The following RHNO1 variants were observed in gnomAD, a reference collection of about 807,000 sequenced individuals.
The protein encoded by RHNO1 is RAD9, HUS1, RAD1-interacting nuclear orphan protein 1.
A neutral mutation model predicts 7.2 loss-of-function variants in RHNO1; 9 were observed. That is an observed-to-expected ratio of 1.25 (90% CI 0.75 to 2.18). The LOEUF (loss-of-function observed/expected upper bound fraction) is 2.18, where lower values mean the gene tolerates loss of function less well. Among genes scored for constraint, RHNO1 ranks in the 30% most tolerant of loss-of-function variants. The pLI is 0.00. For missense variants in RHNO1, 292 were observed against 284.5 expected (o/e 1.03, Z -0.19); for synonymous variants, 95 against 107.5 (o/e 0.88, Z 0.72).
At chr12:2,884,389 G>A (rs1296386805) in intron 1 of RHNO1, among the ~76,000 whole-genome samples, 1 of 152,182 alleles carries the variant, frequency 6.6e-6, no homozygotes, top group African/African-American at 2.4e-5. Flanking sequence ...ACCACGCCCA[G>A]CTAGTTTTTG....
intron 1 of RHNO1, among the ~76,000 whole-genome samples, chr12:2,883,071 A>AAAAAAAAAAAAAC (rs2098160163): frequency 7.3e-6 from 1 of 137,510 alleles, no homozygotes; most frequent in African/African-American, 3.0e-5. Flanking sequence ...TGTCTCAAAA[A>AAAAAAAAAAAAAC]AAAAAAAAAA....
rs113865607 is a variant in RHNO1 at position 2,884,058 on chromosome 12, ATTTG to A, written c.-84-1209_-84-1206del. Among the ~76,000 whole-genome samples, 307 of 150,648 alleles carry A rather than the reference ATTTG, an allele frequency of 2.0e-3. 3 individuals carry two copies. The highest frequency in any genetic ancestry group is 6.8e-3 in the African/African-American group (278 of 40,884). On this transcript the variant is annotated intron_variant, in intron 1 of 2. Coordinates refer to ENST00000489288, the MANE Select transcript of RHNO1 (RefSeq NM_001252499.3). ...CATATGGTGTCACCTGTTTTTTTTT[ATTTG>A]TTTGTTTGTTTGTTTTGGAGACGAG...
chr12:2,877,034 G>T (rs1319615994), upstream of RHNO1: 1 of 152,082 alleles, frequency 6.6e-6, no homozygotes, highest in African/African-American at 2.4e-5. Context: ...CGGACCGGCC[G>T]GGTCCCCGGC....
At chr12:2,881,408 A>G (rs2098157413) in intron 1 of RHNO1, among the ~76,000 whole-genome samples, 1 of 151,914 alleles carries the variant, frequency 6.6e-6, no homozygotes, top group South Asian at 2.1e-4. Flanking sequence ...CGGCCTCTCT[A>G]TACTTTTTAT....
intron 1 of RHNO1, among the ~76,000 whole-genome samples, chr12:2,879,187 A>G (rs970678872): frequency 1.5e-4 from 23 of 151,554 alleles, no homozygotes; most frequent in Admixed American, 4.6e-4. Flanking sequence ...TATCTTTTGT[A>G]GAGACAGGGT....
At chr12:2,878,472 G>A (rs1268661999) in intron 1 of RHNO1, among the ~76,000 whole-genome samples, 5 of 152,014 alleles carry the variant, frequency 3.3e-5, no homozygotes, top group African/African-American at 9.7e-5. Flanking sequence ...AGCTGGAGCC[G>A]GAGGAAGCAG....
At chr12:2,883,488 TATATATATATATATATATATATA>T (rs2098160991) in intron 1 of RHNO1, among the ~76,000 whole-genome samples, 6 of 28,096 alleles carry the variant, frequency 2.1e-4, no homozygotes, top group African/African-American at 1.8e-4. Flanking sequence ...TATATATATA[TATATATATATATATATATATATA>T]TTTTTTTTTT....
At chr12:2,880,512 G>A (rs2098156106) in intron 1 of RHNO1, among the ~76,000 whole-genome samples, 1 of 151,854 alleles carries the variant, frequency 6.6e-6, no homozygotes. Context: ...AGCTACTTGG[G>A]AGAGTGAGGC....
intron 1 of RHNO1, among the ~76,000 whole-genome samples, chr12:2,877,601 T>A (rs1184630326): frequency 6.6e-6 from 1 of 151,920 alleles, no homozygotes; most frequent in Non-Finnish European, 1.5e-5. Flanking sequence ...ACTAAGTTCC[T>A]TTGAGGGCTG....
rs1603503363 is a variant in RHNO1 at position 2,887,907 on chromosome 12, TAAGGTATCACCTGA to T, written c.169-3_179del. Reference sequence around the variant, plus strand: ...GCTCACCTCACTTTTTTTTTTTTTTTAAGGTATCACCTGATTTTGATACAGCAGCAGGAAGCTTG... The same window carrying T: ...GCTCACCTCACTTTTTTTTTTTTTTTTTTTGATACAGCAGCAGGAAGCTTG... On this transcript the variant is annotated splice_acceptor_variant and splice_polypyrimidine_tract_variant and coding_sequence_variant and intron_variant, in exon 3 of 3. Transcript: ENST00000489288. LOFTEE classifies it high-confidence loss of function. 11 of 1,539,490 alleles carry T rather than the reference TAAGGTATCACCTGA, an allele frequency of 7.1e-6. No individual in the cohort carries two copies. Among genetic ancestry groups the T allele is most frequent in the South Asian group, 2.6e-5 (2 of 77,656 alleles).
chr12:2,883,084 A>AAAAAAAAAAACAC (rs1176902071), intron 1 of RHNO1, among the ~76,000 whole-genome samples: 33 of 99,792 alleles, frequency 3.3e-4, no homozygotes, highest in Middle Eastern at 5.1e-3. Flanking sequence ...AAAAAAAAAA[A>AAAAAAAAAAACAC]ACACATAGAA....
chr12:2,888,484 AAG>A lies in RHNO1; in HGVS notation c.*29_*30del. ...ACTGCCATCAGTAATCTCAATAGAA[AAG>A]AGATATGTTTTCTGGAGTCATAAAG... is the stretch of plus-strand genomic sequence containing the variant. On this transcript the variant is annotated 3_prime_UTR_variant, in exon 3 of 3. Transcript: ENST00000489288. 1.3e-6 allele frequency: 2 copies of A among 1,523,368 alleles called. No homozygotes were observed. Among genetic ancestry groups the A allele is most frequent in the South Asian group, 1.3e-5 (1 of 76,648 alleles). 94.4% of individuals were successfully genotyped at this position (1,523,368 alleles called of 1,614,324 possible).
At chr12:2,879,164 C>T (rs2098154058) in intron 1 of RHNO1, among the ~76,000 whole-genome samples, 2 of 150,498 alleles carry the variant, frequency 1.3e-5, no homozygotes, top group South Asian at 2.1e-4. Context: ...CCACTACACC[C>T]ATCTAATTTT....
chr12:2,877,953 G>A (rs1382404843), intron 1 of RHNO1: 1 of 152,282 alleles, frequency 6.6e-6, no homozygotes, highest in Non-Finnish European at 1.5e-5. Context: ...GGCCGAGGCG[G>A]GTGGATCACT....
chr12:2,882,856 A>G (rs2098159801), intron 1 of RHNO1, among the ~76,000 whole-genome samples: 1 of 152,110 alleles, frequency 6.6e-6, no homozygotes, highest in African/African-American at 2.4e-5. Context: ...GAGCCCAGGA[A>G]TTTGAGACCA....
Position 2,888,491 on chromosome 12 carries a change from A to C in RHNO1, c.*32A>C, listed in dbSNP as rs1230750358. ...TCAGTAATCTCAATAGAAAAGAGAT[A>C]TGTTTTCTGGAGTCATAAAGGAATT... On this transcript the variant is annotated 3_prime_UTR_variant, in exon 3 of 3. Transcript: ENST00000489288. The C allele has an allele frequency of 6.7e-6, 10 of 1,502,210 alleles. No individual in the cohort carries two copies. The highest frequency in any genetic ancestry group is 8.9e-6 in the Non-Finnish European group (10 of 1,121,858). The allele number at this position is 1,502,210 out of a possible 1,614,324, so 93.1% of individuals were successfully genotyped here.
chr12:2,877,467 GC>G (rs1250159622), intron 1 of RHNO1, among the ~76,000 whole-genome samples, 185 bp downstream of exon 1: 2 of 152,164 alleles, frequency 1.3e-5, no homozygotes, highest in Non-Finnish European at 2.9e-5. Flanking sequence ...CAGGCGACAC[GC>G]CCCCGCTTCC....
intron 1 of RHNO1, among the ~76,000 whole-genome samples, chr12:2,880,946 G>A (rs1322000347): frequency 3.3e-5 from 5 of 151,982 alleles, no homozygotes; most frequent in Admixed American, 3.3e-4. Flanking sequence ...GCTTGGAGAA[G>A]TTTTAAGATA....
intron 1 of RHNO1, chr12:2,878,257 G>A (rs2153943691): frequency 6.6e-6 from 1 of 152,376 alleles, no homozygotes; most frequent in East Asian, 1.9e-4. Flanking sequence ...ACGAGATCTT[G>A]AGAGGTAGGA....
Sources: gnomAD v4.1 joint callset for allele counts (sites outside exome capture counted in the v4.1 genomes callset) on GRCh38, gnomAD v4.1.1 for gene constraint, MANE v1.5 for transcripts, NCBI Gene and HGNC (gene_info 2026-07-23, HGNC 2026-07-21) for gene names.